LDB2: variants seen among roughly 807,000 people sequenced by gnomAD.
LDB2 encodes LIM domain binding 2.
A neutral mutation model predicts 44.3 loss-of-function variants in LDB2; 12 were observed. That is an observed-to-expected ratio of 0.27 (90% CI 0.17 to 0.44). The LOEUF (loss-of-function observed/expected upper bound fraction) is 0.44, where lower values mean the gene tolerates loss of function less well. Ranked by LOEUF, LDB2 falls within the 20% of genes least tolerant of loss-of-function variation. The pLI is 1.00. For missense variants in LDB2, 344 were observed against 473.5 expected, an observed-to-expected ratio of 0.73 and a Z score of 2.54; for synonymous variants, 164 against 174.8, an observed-to-expected ratio of 0.94 and a Z score of 0.49.
At chr4:16,603,689 C>A (rs1723170791) in intron 2 of LDB2, among the ~76,000 whole-genome samples, 1 of 151,796 alleles carries the variant, frequency 6.6e-6, no homozygotes, top group Non-Finnish European at 1.5e-5. Flanking sequence ...TCATATGAAC[C>A]TTAAAATAAT....
At chr4:16,592,428 AC>A (rs1215470431) in intron 3 of LDB2, among the ~76,000 whole-genome samples, 2 of 147,124 alleles carry the variant, frequency 1.4e-5, no homozygotes, top group Admixed American at 1.4e-4. Flanking sequence ...CCTTAGTGGT[AC>A]TGCATATGTA....
At chr4:16,806,488 A>G (rs1023963552) in intron 1 of LDB2, among the ~76,000 whole-genome samples, 9 of 152,360 alleles carry the variant, frequency 5.9e-5, no homozygotes, top group African/African-American at 2.2e-4. Context: ...GAAAGGGACA[A>G]GTGGACACTG....
At chr4:16,635,793 A>G (rs1444461988) in intron 2 of LDB2, among the ~76,000 whole-genome samples, 1 of 152,168 alleles carries the variant, frequency 6.6e-6, no homozygotes, top group Non-Finnish European at 1.5e-5. Flanking sequence ...GCTGTTTCTA[A>G]TCTTCTATCA....
intron 5 of LDB2, among the ~76,000 whole-genome samples, chr4:16,517,971 A>G (rs1478349196): frequency 6.6e-6 from 1 of 152,164 alleles, no homozygotes; most frequent in Non-Finnish European, 1.5e-5. Context: ...GTCATTTGTT[A>G]ATGACAGACA....
chr4:16,570,376 T>G (rs1190154099), intron 5 of LDB2, among the ~76,000 whole-genome samples: 2 of 138,868 alleles, frequency 1.4e-5, no homozygotes, highest in African/African-American at 5.5e-5. Flanking sequence ...GGCAGGAGAA[T>G]GGTGTGAACC....
rs184576892 is a variant in LDB2, at chr4:16,826,245, T to C, written c.133-66985A>G. ...AATATTCGAATCATAATTGGACAGG[T>C]TGATTTTAAATCACATAATTGTCAC... On this transcript the variant is annotated intron_variant, in intron 1 of 7. Transcript: ENST00000304523. 3.2e-4 allele frequency among the ~76,000 whole-genome samples: 49 copies of C among 152,250 alleles called. No individual in the cohort carries two copies. In the East Asian group the frequency reaches 8.1e-3, roughly 25 times the overall value.
intron 5 of LDB2, among the ~76,000 whole-genome samples, chr4:16,537,532 C>T (rs1732278531): frequency 6.6e-6 from 1 of 152,232 alleles, no homozygotes; most frequent in South Asian, 2.1e-4. Flanking sequence ...CCCAGTGGGG[C>T]ATTGGGAACT....
At chr4:16,614,790 G>A (rs984591200) in intron 2 of LDB2, among the ~76,000 whole-genome samples, 1 of 151,864 alleles carries the variant, frequency 6.6e-6, no homozygotes, top group Non-Finnish European at 1.5e-5. Context: ...TCAAGAAACG[G>A]CCGGGCGCGG....
intron 5 of LDB2, among the ~76,000 whole-genome samples, chr4:16,561,889 G>C (rs1369659770): frequency 6.6e-6 from 1 of 152,156 alleles, no homozygotes; most frequent in Non-Finnish European, 1.5e-5. Context: ...CAATGGAACA[G>C]AACAGAGCCC....
intron 1 of LDB2, among the ~76,000 whole-genome samples, chr4:16,787,259 T>C (rs913515881): frequency 1.3e-5 from 2 of 152,050 alleles, no homozygotes; most frequent in Non-Finnish European, 2.9e-5. Context: ...CAAGATGCAA[T>C]CCTGCCTCAA....
At chr4:16,623,820 C>A (rs761434838) in intron 2 of LDB2, among the ~76,000 whole-genome samples, 3 of 147,640 alleles carry the variant, frequency 2.0e-5, no homozygotes, top group Non-Finnish European at 3.1e-5. Context: ...GCTTAACAGT[C>A]CCTTAACTCT....
intron 2 of LDB2, among the ~76,000 whole-genome samples, chr4:16,605,487 A>G (rs938542771): frequency 6.6e-6 from 1 of 152,234 alleles, no homozygotes; most frequent in South Asian, 2.1e-4. Context: ...AAACAAAAAA[A>G]ACACCATATT....
At position 16,532,165 on chromosome 4, in the gene LDB2, C is replaced by G. The variant is rs115730232; in HGVS notation, c.616-20061G>C. Among the ~76,000 whole-genome samples the G allele has an allele frequency of 4.3e-3, 654 of 152,120 alleles. 7 individuals carry two copies. The highest frequency in any genetic ancestry group is 0.017 in the Middle Eastern group (5 of 294). ...TTTTTTTCTTTTAATTTTAGGTATG[C>G]CAAAAAAGTAAGGTTTTCAGGAGTG... On this transcript the variant is annotated intron_variant, in intron 5 of 7. Transcript: ENST00000304523.
intron 1 of LDB2, among the ~76,000 whole-genome samples, chr4:16,780,684 A>T (rs1408016331): frequency 6.6e-6 from 1 of 151,838 alleles, no homozygotes; most frequent in Admixed American, 6.6e-5. Flanking sequence ...TCTCAATTTT[A>T]CAAGTTTATT....
At chr4:16,883,299 GAAGA>G (rs1186303511) in intron 1 of LDB2, among the ~76,000 whole-genome samples, 2 of 152,230 alleles carry the variant, frequency 1.3e-5, no homozygotes, top group Non-Finnish European at 2.9e-5. Flanking sequence ...GACTGCGGCT[GAAGA>G]GAGAACCTTG....
At chr4:16,863,656 C>T (rs376478793) in intron 1 of LDB2, among the ~76,000 whole-genome samples, 3 of 91,924 alleles carry the variant, frequency 3.3e-5, no homozygotes, top group East Asian at 3.9e-4. Flanking sequence ...CTCACATTCT[C>T]TTTTTTTTTT....
chr4:16,544,754 A>C (rs1037548017), intron 5 of LDB2, among the ~76,000 whole-genome samples: 1 of 152,166 alleles, frequency 6.6e-6, no homozygotes, highest in Non-Finnish European at 1.5e-5. Flanking sequence ...GACCAAGATG[A>C]ATTTGACATG....
chr4:16,740,284 C>G (rs908780039), intron 2 of LDB2, among the ~76,000 whole-genome samples: 1 of 152,178 alleles, frequency 6.6e-6, no homozygotes, highest in African/African-American at 2.4e-5. Context: ...GGCACACACT[C>G]GGCTATTTAA....
At position 16,667,549 on chromosome 4, in the gene LDB2, A is replaced by C. The variant is rs573473854; in HGVS notation, c.236-71674T>G. ...CACCCACTGCAAAACAGGAGAAGGC[A>C]GGAGTCAAAGAAAAACGCAAAAAAT... On this transcript the variant is annotated intron_variant, in intron 2 of 7. Coordinates refer to ENST00000304523, the MANE Select transcript of LDB2 (RefSeq NM_001290.5). 4.1e-4 allele frequency among the ~76,000 whole-genome samples: 63 copies of C among 152,348 alleles called. No individual in the cohort carries two copies. The South Asian group carries it at 0.013, about 31-fold the overall frequency.
Sources: allele counts gnomAD v4.1 joint callset (sites outside exome capture counted in the v4.1 genomes callset), GRCh38; gene constraint gnomAD v4.1.1; transcripts MANE v1.5; gene names NCBI Gene and HGNC (gene_info 2026-07-23, HGNC 2026-07-21).